Variants in SGK3 observed in about 807,000 individuals in gnomAD.
The protein encoded by SGK3 is serum/glucocorticoid regulated kinase family member 3.
Under a neutral mutation model 68.5 loss-of-function variants are expected in SGK3, and 47 were observed. The ratio of observed to expected loss-of-function variants is 0.69; its 90% CI spans 0.54 to 0.87. The LOEUF (loss-of-function observed/expected upper bound fraction) is 0.87. SGK3 is among the 40% of genes least tolerant of loss of function. SGK3 has a pLI of 0.00. For missense variants in SGK3, 479 were observed against 575.5 expected (o/e 0.83, Z 1.72); for synonymous variants, 181 against 189.1 (o/e 0.96, Z 0.35).
intron 1 of SGK3, among the ~76,000 whole-genome samples, chr8:66,718,917 G>A (rs1234663965): frequency 1.2e-4 from 18 of 151,662 alleles, no homozygotes; most frequent in Admixed American, 9.9e-4. Flanking sequence ...TTTCCCCCCC[G>A]TTTTAATTTT....
intron 12 of SGK3, 30 bp downstream of exon 12, chr8:66,840,277 T>C: frequency 6.5e-7 from 1 of 1,541,470 alleles, no homozygotes; most frequent in Non-Finnish European, 8.7e-7. Context: ...AATCTACTAG[T>C]TCTCAATTTT....
chr8:66,734,012 A>G (rs1231952503), intron 1 of SGK3, among the ~76,000 whole-genome samples: 2 of 152,102 alleles, frequency 1.3e-5, no homozygotes, highest in African/African-American at 2.4e-5. Context: ...GAGGTGAACA[A>G]GTACATCTAA....
At chr8:66,774,102 T>C (rs1220773742) in intron 1 of SGK3, among the ~76,000 whole-genome samples, 3 of 152,134 alleles carry the variant, frequency 2.0e-5, no homozygotes, top group Admixed American at 2.0e-4. Context: ...CAGGACAAAC[T>C]TTAGAGTATG....
chr8:66,804,393 G>A lies in SGK3; in HGVS notation c.199G>A (p.Ala67Thr), dbSNP rs1357035961. The A allele has an allele frequency of 6.2e-7, 1 of 1,610,880 alleles. No homozygotes were observed. Among genetic ancestry groups the A allele is most frequent in the South Asian group, 1.1e-5 (1 of 90,378 alleles). ...LYNTLKKQFP[A>T]MALKIPAKRI... is the part of the protein sequence containing the mutation. Reference sequence around the variant, plus strand: ...ATTTTAGTTAAAAAAACAGTTTCCTGCTATGGCCCTGAAGATTCCTGCCAA... The same window carrying A: ...ATTTTAGTTAAAAAAACAGTTTCCTACTATGGCCCTGAAGATTCCTGCCAA... The change falls in exon 4 of 17, where the codon GCT becomes ACT. Residue 67 changes from alanine to threonine, a missense_variant. Physicochemically the swap from Ala to Thr is moderately conservative, Grantham distance 58 (BLOSUM62 0). This residue lies in a region of SGK3 where 298 missense variants were observed against 329.4 expected (regional missense o/e 0.90). Transcript: ENST00000521198.
intron 6 of SGK3, among the ~76,000 whole-genome samples, chr8:66,822,885 T>A (rs2130672538): frequency 6.6e-6 from 1 of 152,266 alleles, no homozygotes; most frequent in South Asian, 2.1e-4. Flanking sequence ...CCTCTCAGAA[T>A]GCTGGGATTA....
chr8:66,746,960 G>T (rs1413037251), intron 1 of SGK3, among the ~76,000 whole-genome samples: 4 of 151,908 alleles, frequency 2.6e-5, no homozygotes, highest in Non-Finnish European at 4.4e-5. Flanking sequence ...TTACAAAGAT[G>T]AAATCCTGAT....
chr8:66,745,103 T>C (rs1805615931), intron 1 of SGK3, among the ~76,000 whole-genome samples: 1 of 152,172 alleles, frequency 6.6e-6, no homozygotes, highest in Non-Finnish European at 1.5e-5. Flanking sequence ...TTTCTTTTAA[T>C]AGACAAAACC....
rs771629511 is a variant in SGK3 at position 66,840,194 on chromosome 8, TC to T, written c.855-15del. The stretch of plus-strand genomic sequence containing the variant: ...GTTTGTATTCAGTTTTGCGTTTCTT[TC>T]CTTTTAATTTGATAGAGACTTGAAA... On this transcript the variant is annotated splice_polypyrimidine_tract_variant and intron_variant, in intron 11 of 16. Coordinates refer to ENST00000521198, the MANE Select transcript of SGK3 (RefSeq NM_001033578.3). 1 of 1,595,284 alleles carries T rather than the reference TC, an allele frequency of 6.3e-7. No individual in the cohort carries two copies. The highest frequency in any genetic ancestry group is 1.1e-5 in the South Asian group (1 of 87,212).
At chr8:66,794,781 C>T (rs1180755120) in intron 2 of SGK3, among the ~76,000 whole-genome samples, 1 of 152,128 alleles carries the variant, frequency 6.6e-6, no homozygotes, top group East Asian at 1.9e-4. Flanking sequence ...CTGGTGAAGC[C>T]TCTTGAGTTC....
At chr8:66,751,400 G>A (rs998189408) in intron 1 of SGK3, among the ~76,000 whole-genome samples, 3 of 152,072 alleles carry the variant, frequency 2.0e-5, no homozygotes, top group Non-Finnish European at 4.4e-5. Context: ...CATTTGTTAT[G>A]AGCTTCTTAA....
chr8:66,742,862 C>T (rs1805522302), intron 1 of SGK3, among the ~76,000 whole-genome samples: 1 of 152,050 alleles, frequency 6.6e-6, no homozygotes, highest in Non-Finnish European at 1.5e-5. Flanking sequence ...CCAATCATGC[C>T]TTTCTGTCTC....
chr8:66,819,617 T>A (rs1808728276), intron 5 of SGK3, among the ~76,000 whole-genome samples: 1 of 152,186 alleles, frequency 6.6e-6, no homozygotes, highest in Non-Finnish European at 1.5e-5. Flanking sequence ...TATATTGTGA[T>A]CTTAAATGTG....
At chr8:66,770,524 GTATT>G (rs1806473823) in intron 1 of SGK3, among the ~76,000 whole-genome samples, 1 of 152,132 alleles carries the variant, frequency 6.6e-6, no homozygotes, top group Non-Finnish European at 1.5e-5. Context: ...GACCCAAGCA[GTATT>G]TATTCTAGGG....
At chr8:66,731,663 T>TAC (rs1805156930) in intron 1 of SGK3, among the ~76,000 whole-genome samples, 1 of 152,076 alleles carries the variant, frequency 6.6e-6, no homozygotes, top group Non-Finnish European at 1.5e-5. Flanking sequence ...GCCTCCCGAG[T>TAC]AGCTGGGACT....
chr8:66,836,719 C>T (rs1809548004), intron 10 of SGK3, among the ~76,000 whole-genome samples: 1 of 149,752 alleles, frequency 6.7e-6, no homozygotes, highest in Non-Finnish European at 1.5e-5. Flanking sequence ...CACAATATGC[C>T]TCAGCATGTT....
chr8:66,768,489 G>C (rs1585688798), intron 1 of SGK3, among the ~76,000 whole-genome samples: 1 of 150,272 alleles, frequency 6.7e-6, no homozygotes, highest in East Asian at 1.9e-4. Context: ...GGATATTTTT[G>C]GTAGGTAAAT....
rs1259167849 is a variant in SGK3 at position 66,783,510 on chromosome 8, G to GTTTAT, written c.-121-10102_-121-10098dup. The stretch of plus-strand genomic sequence containing the variant: ...CATCTAATTTTTGTGTGTGTGTGTG[G>GTTTAT]TTTATTTTTATTTTTATTTTTGTTT... On this transcript the variant is annotated intron_variant, in intron 1 of 16. Coordinates refer to ENST00000521198, the MANE Select transcript of SGK3 (RefSeq NM_001033578.3). Among the ~76,000 whole-genome samples the GTTTAT allele has an allele frequency of 1.5e-3, 228 of 151,734 alleles. 1 individual carries two copies. The highest frequency in any genetic ancestry group is 5.4e-3 in the African/African-American group (222 of 41,186).
intron 1 of SGK3, among the ~76,000 whole-genome samples, chr8:66,778,934 A>G (rs1322866711): frequency 6.6e-6 from 1 of 152,168 alleles, no homozygotes; most frequent in Non-Finnish European, 1.5e-5. Context: ...TTCCTAAAAT[A>G]TATTTTGTTT....
At chr8:66,750,048 T>C (rs1239747679) in intron 1 of SGK3, among the ~76,000 whole-genome samples, 2 of 151,970 alleles carry the variant, frequency 1.3e-5, no homozygotes, top group Admixed American at 1.3e-4. Context: ...AATTCTTTTC[T>C]ATACATTCAG....
Sources: gnomAD v4.1 joint callset for allele counts (sites outside exome capture counted in the v4.1 genomes callset) on GRCh38, gnomAD v4.1.1 for gene constraint, gnomAD v4.1.1 regional missense constraint, MANE v1.5 for transcripts, NCBI Gene and HGNC (gene_info 2026-07-23, HGNC 2026-07-21) for gene names.